The following CCDC60 variants were observed in gnomAD, a reference collection of about 807,000 sequenced individuals.
CCDC60 encodes coiled-coil domain containing 60.
In CCDC60, 54 loss-of-function variants were observed where a neutral mutation model predicts 63.5. The observed-to-expected ratio is 0.85, with a 90% CI of 0.68 to 1.07. The LOEUF is 1.07. CCDC60 is among the 50% of genes least tolerant of loss of function. The pLI is 0.00. For missense variants in CCDC60, 651 were observed against 684.3 expected, an observed-to-expected ratio of 0.95 and a Z score of 0.54; for synonymous variants, 206 against 238.8, an observed-to-expected ratio of 0.86 and a Z score of 1.27.
chr12:119,537,392 C>T (rs967079594), intron 13 of CCDC60, among the ~76,000 whole-genome samples: 5 of 152,160 alleles, frequency 3.3e-5, no homozygotes, highest in African/African-American at 7.2e-5. Context: ...TTATTACCGA[C>T]CTTCTGAAGC....
At position 119,488,741 on chromosome 12, in the gene CCDC60, C is replaced by T. The variant is rs1216371528; in HGVS notation, c.450-18C>T. The T allele has an allele frequency of 1.2e-6, 2 of 1,609,830 alleles. No individual in the cohort carries two copies. The highest frequency in any genetic ancestry group is 3.3e-5 in the Admixed American group (2 of 60,000). ...TTCTAACAGGATCCCACTGTGTTCC[C>T]TCTCTCTGTCTTTGCAGCGAGCCCC... On this transcript the variant is annotated intron_variant, in intron 4 of 13. Transcript: ENST00000327554.
intron 2 of CCDC60, among the ~76,000 whole-genome samples, chr12:119,447,125 A>C (rs7968484): frequency 1.3e-5 from 2 of 152,122 alleles, no homozygotes; most frequent in South Asian, 4.2e-4. Context: ...GGTCCTGGAA[A>C]GAGGTTTTAC....
chr12:119,403,949 C>T (rs1369444017), intron 1 of CCDC60, among the ~76,000 whole-genome samples: 1 of 152,146 alleles, frequency 6.6e-6, no homozygotes, highest in African/African-American at 2.4e-5. Context: ...TATCCATCAC[C>T]TCACATACTA....
chr12:119,456,506 G>T lies in CCDC60; in HGVS notation c.171-15488G>T, dbSNP rs1950752518. Among the ~76,000 whole-genome samples the T allele has an allele frequency of 1.3e-5, 2 of 152,158 alleles. No individual in the cohort carries two copies. The highest frequency in any genetic ancestry group is 1.3e-4 in the Admixed American group (2 of 15,286). On this transcript the variant is annotated intron_variant, in intron 2 of 13. Coordinates refer to ENST00000327554, the MANE Select transcript of CCDC60 (RefSeq NM_178499.5). The surrounding 1 kb of genome is among the most constrained non-coding windows in gnomAD (Gnocchi z 4.6). ...GTCCCTTCATGGTCACTAGAAAGAT[G>T]TTACATGAAAGGGGTCCCAATCCAG...
At chr12:119,524,637 C>T (rs1952629931) in intron 11 of CCDC60, 1 of 168,386 alleles carries the variant, frequency 5.9e-6, no homozygotes, top group African/African-American at 2.4e-5. Context: ...GCAGCCTGAA[C>T]ACAAAAGGGA....
intron 1 of CCDC60, among the ~76,000 whole-genome samples, chr12:119,396,400 T>C (rs568342827): frequency 8.5e-5 from 13 of 152,204 alleles, no homozygotes; most frequent in South Asian, 6.2e-4. Context: ...CCAGATTGTA[T>C]AGAGGTGAGA....
chr12:119,520,560 G>A (rs1181108145), intron 9 of CCDC60, among the ~76,000 whole-genome samples: 1 of 52,208 alleles, frequency 1.9e-5, no homozygotes, highest in Admixed American at 2.0e-4. Flanking sequence ...TTTTTTTTTT[G>A]AGATGGACTC....
intron 2 of CCDC60, among the ~76,000 whole-genome samples, chr12:119,441,364 G>A (rs1473737321): frequency 2.0e-5 from 3 of 152,166 alleles, no homozygotes; most frequent in Admixed American, 1.3e-4. Flanking sequence ...GACACTACAC[G>A]CAATAAGCTC....
rs975478084 is a variant in CCDC60, at chr12:119,410,890, G to A, written c.91-17793G>A. Among the ~76,000 whole-genome samples, 2 of 151,044 alleles carry A rather than the reference G, an allele frequency of 1.3e-5. No individual in the cohort carries two copies. The highest frequency in any genetic ancestry group is 2.4e-5 in the African/African-American group (1 of 40,984). On this transcript the variant is annotated intron_variant, in intron 1 of 13. Transcript: ENST00000327554. This position sits in a 1 kb window ranked among gnomAD's most constrained non-coding sequence, Gnocchi z 4.0. ...TCTGAGTAGCTGGGACTACAGGCAC[G>A]CACCACTACACTCAGCTAATTTTTG...
intron 1 of CCDC60, among the ~76,000 whole-genome samples, chr12:119,426,038 T>A (rs1956893503): frequency 6.6e-6 from 1 of 152,136 alleles, no homozygotes; most frequent in South Asian, 2.1e-4. Context: ...TGCAAAAGCA[T>A]GGGAAAGTAC....
chr12:119,459,125 G>A (rs1278981674), intron 2 of CCDC60, among the ~76,000 whole-genome samples: 1 of 152,200 alleles, frequency 6.6e-6, no homozygotes, highest in East Asian at 1.9e-4. Context: ...CAGACTTGCA[G>A]GAAGGGGACT....
intron 1 of CCDC60, among the ~76,000 whole-genome samples, chr12:119,347,528 G>C (rs1337275575): frequency 6.6e-6 from 1 of 152,102 alleles, no homozygotes; most frequent in Non-Finnish European, 1.5e-5. Context: ...TTCTATCCTA[G>C]AGCCTAGCAC....
At chr12:119,412,726 G>T (rs1956625189) in intron 1 of CCDC60, among the ~76,000 whole-genome samples, 1 of 151,888 alleles carries the variant, frequency 6.6e-6, no homozygotes, top group Non-Finnish European at 1.5e-5. Flanking sequence ...TGGAGTGGCT[G>T]TGAATATTTA....
intron 1 of CCDC60, among the ~76,000 whole-genome samples, chr12:119,344,824 CTCTCTCTCTCTT>C (rs1386958332): frequency 7.0e-6 from 1 of 142,240 alleles, no homozygotes; most frequent in African/African-American, 2.6e-5. Flanking sequence ...CATTCTCTCT[CTCTCTCTCTCTT>C]TCTCTCTCTC....
chr12:119,500,721 G>T (rs1432166936), intron 6 of CCDC60, among the ~76,000 whole-genome samples: 1 of 152,144 alleles, frequency 6.6e-6, no homozygotes, highest in Non-Finnish European at 1.5e-5. Context: ...GGGCATAGTG[G>T]TGTGCACCTG....
intron 5 of CCDC60, among the ~76,000 whole-genome samples, chr12:119,490,047 C>A (rs1298838291): frequency 6.6e-6 from 1 of 152,178 alleles, no homozygotes; most frequent in African/African-American, 2.4e-5. Flanking sequence ...CCGCCTGCCT[C>A]GGCCTCCCAA....
At chr12:119,377,132 G>A (rs564564306) in intron 1 of CCDC60, among the ~76,000 whole-genome samples, 23 of 151,974 alleles carry the variant, frequency 1.5e-4, no homozygotes, top group African/African-American at 4.1e-4. Context: ...GCACGTGCCT[G>A]TAATCCCAGC....
chr12:119,363,858 G>A (rs989028749), intron 1 of CCDC60, among the ~76,000 whole-genome samples: 2 of 152,092 alleles, frequency 1.3e-5, no homozygotes, highest in African/African-American at 4.8e-5. Flanking sequence ...CAGATTCTTG[G>A]GTTTTGGTGT....
chr12:119,368,062 AAAG>A (rs200983860), intron 1 of CCDC60, among the ~76,000 whole-genome samples: 1,604 of 145,222 alleles, frequency 0.011, 31 homozygotes, highest in African/African-American at 0.039. Flanking sequence ...CTGAAGAAAA[AAAG>A]AAGAACAAGA....
Sources: gnomAD v4.1 joint callset for allele counts (sites outside exome capture counted in the v4.1 genomes callset) on GRCh38, gnomAD v4.1.1 for gene constraint, Gnocchi (gnomAD v3.1) non-coding constraint, MANE v1.5 for transcripts, NCBI Gene and HGNC (gene_info 2026-07-23, HGNC 2026-07-21) for gene names.